The following SDK1 variants were observed in gnomAD, a reference collection of about 807,000 sequenced individuals.
The protein encoded by SDK1 is sidekick cell adhesion molecule 1.
A neutral mutation model predicts 245.5 loss-of-function variants in SDK1; 157 were observed. The observed-to-expected ratio is 0.64, with a 90% CI of 0.56 to 0.73. The LOEUF (loss-of-function observed/expected upper bound fraction) is 0.73, where lower values mean the gene tolerates loss of function less well. SDK1 is among the 30% of genes least tolerant of loss of function. The pLI is 0.00. For synonymous variants in SDK1, 1,647 were observed against 1,278.5 expected (o/e 1.29, Z -6.15); for missense variants, 3,583 against 3,002.3 (o/e 1.19, Z -4.52).
At chr7:3,512,445 T>C (rs1450347572) in intron 1 of SDK1, among the ~76,000 whole-genome samples, 1 of 152,230 alleles carries the variant, frequency 6.6e-6, no homozygotes, top group Non-Finnish European at 1.5e-5. Context: ...GGTTTTTGTA[T>C]GTGGAAATAA....
At chr7:3,602,998 G>A (rs1781298111) in intron 1 of SDK1, among the ~76,000 whole-genome samples, 1 of 152,150 alleles carries the variant, frequency 6.6e-6, no homozygotes, top group Non-Finnish European at 1.5e-5. Context: ...AGATATACAT[G>A]CAGCATTATT....
chr7:3,532,519 A>C (rs889723445), intron 1 of SDK1, among the ~76,000 whole-genome samples: 3 of 152,000 alleles, frequency 2.0e-5, no homozygotes, highest in Non-Finnish European at 4.4e-5. Flanking sequence ...CATGGGAATC[A>C]CTCAAGCTCA....
intron 40 of SDK1, among the ~76,000 whole-genome samples, chr7:4,228,681 A>C (rs1382145670): frequency 6.6e-6 from 1 of 152,206 alleles, no homozygotes; most frequent in East Asian, 1.9e-4. Context: ...CTGGGATTAC[A>C]GGAGCGTGCC....
At chr7:3,308,618 C>T (rs1270161422) in intron 1 of SDK1, among the ~76,000 whole-genome samples, 1 of 152,038 alleles carries the variant, frequency 6.6e-6, no homozygotes, top group African/African-American at 2.4e-5. Context: ...ACTATAGTTT[C>T]TGCAGTGTTT....
intron 5 of SDK1, among the ~76,000 whole-genome samples, chr7:3,877,688 T>C (rs1023999843): frequency 6.6e-6 from 1 of 152,248 alleles, no homozygotes; most frequent in Non-Finnish European, 1.5e-5. Context: ...TTTTAAAGCA[T>C]ATCTTTTCAA....
chr7:3,900,155 T>C (rs1312587612), intron 5 of SDK1, among the ~76,000 whole-genome samples: 1 of 152,228 alleles, frequency 6.6e-6, no homozygotes, highest in African/African-American at 2.4e-5. Flanking sequence ...TTGGTGCTAC[T>C]CCTTCTAATC....
intron 5 of SDK1, among the ~76,000 whole-genome samples, chr7:3,851,641 T>G (rs185357973): frequency 3.6e-4 from 55 of 152,282 alleles, no homozygotes; most frequent in Non-Finnish European, 6.9e-4. Context: ...CTAAGTAAGA[T>G]TCACTGGCAT....
At chr7:4,021,464 G>A (rs1786888803) in intron 17 of SDK1, among the ~76,000 whole-genome samples, 1 of 152,192 alleles carries the variant, frequency 6.6e-6, no homozygotes, top group African/African-American at 2.4e-5. Context: ...ACAAGATAGA[G>A]CTGTGTTTTT....
intron 1 of SDK1, among the ~76,000 whole-genome samples, chr7:3,397,467 G>A (rs559576489): frequency 1.8e-4 from 25 of 136,148 alleles, no homozygotes; most frequent in Non-Finnish European, 3.5e-4. Flanking sequence ...TTTTTGGTTC[G>A]TAGTCTTTTC....
At chr7:4,226,831 A>G (rs1785475735) in intron 40 of SDK1, among the ~76,000 whole-genome samples, 2 of 152,250 alleles carry the variant, frequency 1.3e-5, no homozygotes, top group Non-Finnish European at 2.9e-5. Context: ...TATTTACACA[A>G]TAGACTGGAA....
At chr7:3,845,026 T>G (rs762069121) in intron 5 of SDK1, among the ~76,000 whole-genome samples, 2 of 152,114 alleles carry the variant, frequency 1.3e-5, no homozygotes, top group Non-Finnish European at 2.9e-5. Context: ...AATCTACGCT[T>G]AACTACCTGG....
At chr7:4,019,776 A>C (rs1786724511) in intron 17 of SDK1, among the ~76,000 whole-genome samples, 1 of 152,030 alleles carries the variant, frequency 6.6e-6, no homozygotes, top group Admixed American at 6.5e-5. Flanking sequence ...GGCCCAGCAG[A>C]CACAGTCGTA....
At chr7:4,134,998 C>T (rs1778966653) in intron 28 of SDK1, among the ~76,000 whole-genome samples, 1 of 152,236 alleles carries the variant, frequency 6.6e-6, no homozygotes, top group Non-Finnish European at 1.5e-5. Flanking sequence ...CCGATGTCCT[C>T]TGTAGCCCCG....
rs769052841 is a variant in SDK1 at position 4,245,680 on chromosome 7, C to G, written c.6256C>G (p.Pro2086Ala). The G allele has an allele frequency of 6.2e-7, 1 of 1,613,930 alleles. No homozygotes were observed. Among genetic ancestry groups the G allele is most frequent in the Non-Finnish European group, 8.5e-7 (1 of 1,179,910 alleles). ...TFSKKNGTRS[P>A]PRPSPGGLHY... ...CAGCATGGGTCCTCATCCTAGGTCC[C>G]CACCCCGGCCTAGCCCCGGCGGCCT... is the stretch of plus-strand genomic sequence containing the variant. Residue 2086 changes from proline (P) to alanine (A), a missense_variant, in exon 44 of 45, where the codon CCA (proline) becomes GCA (alanine). Transcript: ENST00000404826.
intron 32 of SDK1, among the ~76,000 whole-genome samples, chr7:4,167,991 T>C (rs1183779861): frequency 6.6e-6 from 1 of 152,054 alleles, no homozygotes; most frequent in Admixed American, 6.5e-5. Context: ...ACCTCCGGAG[T>C]TGGAGAGCCT....
intron 38 of SDK1, among the ~76,000 whole-genome samples, chr7:4,214,350 A>G (rs1000574152): frequency 7.9e-5 from 12 of 152,196 alleles, no homozygotes; most frequent in Admixed American, 6.5e-4. Context: ...TCTCCCCTGG[A>G]TGGCAAAAGG....
At chr7:4,138,005 C>A (rs115621313) in intron 28 of SDK1, among the ~76,000 whole-genome samples, 2,059 of 152,312 alleles carry the variant, frequency 0.014, 44 homozygotes, top group African/African-American at 0.048. Flanking sequence ...AGGCATTCAT[C>A]TTTATGTTCA....
intron 5 of SDK1, among the ~76,000 whole-genome samples, chr7:3,936,599 A>AT (rs11405471): frequency 6.6e-5 from 10 of 151,584 alleles, no homozygotes; most frequent in Admixed American, 3.9e-4. Context: ...AAAAAAAAAA[A>AT]TTTTGGAGAT....
intron 1 of SDK1, among the ~76,000 whole-genome samples, chr7:3,484,701 C>G (rs1209995046): frequency 1.3e-5 from 2 of 152,170 alleles, no homozygotes; most frequent in Non-Finnish European, 2.9e-5. Context: ...CACTGTTGCA[C>G]TCACTACCTC....
Sources: allele counts gnomAD v4.1 joint callset (sites outside exome capture counted in the v4.1 genomes callset), GRCh38; gene constraint gnomAD v4.1.1; transcripts MANE v1.5; gene names NCBI Gene and HGNC (gene_info 2026-07-23, HGNC 2026-07-21).